Variants in ARMC9 observed in about 807,000 individuals in gnomAD.
ARMC9 encodes armadillo repeat containing 9, also known as lisH domain-containing protein ARMC9.
ARMC9 carries 94 observed loss-of-function variants against 107.0 expected under a neutral mutation model. That is an observed-to-expected ratio of 0.88 (90% CI 0.74 to 1.04). The LOEUF (loss-of-function observed/expected upper bound fraction) is 1.04, where lower values mean the gene tolerates loss of function less well. Ranked by LOEUF, ARMC9 falls within the 50% of genes least tolerant of loss-of-function variation. The pLI is 0.00. For synonymous variants in ARMC9, 380 were observed against 396.9 expected (o/e 0.96, Z 0.51); for missense variants, 942 against 1,030.1 (o/e 0.91, Z 1.17).
chr2:231,307,679 C>T (rs1426493203), intron 19 of ARMC9, among the ~76,000 whole-genome samples: 6 of 152,156 alleles, frequency 3.9e-5, no homozygotes, highest in African/African-American at 1.4e-4. Context: ...GGCCCCAAAC[C>T]CCCCTTCTTG....
At chr2:231,338,119 G>A (rs927485543) in intron 20 of ARMC9, among the ~76,000 whole-genome samples, 1 of 152,186 alleles carries the variant, frequency 6.6e-6, no homozygotes, top group African/African-American at 2.4e-5. Flanking sequence ...CAGCTTACAA[G>A]GGCTTGGGAG....
rs1179484335 is a variant in ARMC9, at chr2:231,372,771, G to A, written c.*1236G>A. On this transcript the variant is annotated 3_prime_UTR_variant, in exon 25 of 25. Coordinates refer to ENST00000611582, the MANE Select transcript of ARMC9 (RefSeq NM_001352754.2). ...GTGTGTGTGTATGAGTGTATGAAGG[G>A]AAATGGAAAGCAGAGAAAAGTCGCG... is the stretch of plus-strand genomic sequence containing the variant. 6.8e-6 allele frequency: 1 copy of A among 147,594 alleles called. No individual in the cohort carries two copies. The highest frequency in any genetic ancestry group is 1.5e-5 in the Non-Finnish European group (1 of 68,114). 9.1% of individuals were successfully genotyped at this position (147,594 alleles called of 1,614,324 possible). A position where few individuals can be genotyped will look rare whatever the true frequency, so the allele number is the denominator to read the frequency against.
intron 3 of ARMC9, among the ~76,000 whole-genome samples, chr2:231,211,421 A>G (rs1182415545): frequency 1.3e-5 from 2 of 151,766 alleles, no homozygotes; most frequent in Non-Finnish European, 2.9e-5. Context: ...AATCCCAGCT[A>G]CTTGGGAGGC....
intron 19 of ARMC9, among the ~76,000 whole-genome samples, chr2:231,311,104 G>C (rs1273111902): frequency 6.6e-6 from 1 of 152,154 alleles, no homozygotes; most frequent in Non-Finnish European, 1.5e-5. Context: ...CCCCAGCCTG[G>C]GTGACAGAGC....
At chr2:231,371,090 G>T in intron 24 of ARMC9, 2 of 465,832 alleles carry the variant, frequency 4.3e-6, no homozygotes, top group South Asian at 3.1e-5. Context: ...CAGGTCAGGC[G>T]CAGAGGAGGT....
chr2:231,212,699 T>C (rs1454562081), intron 3 of ARMC9, among the ~76,000 whole-genome samples: 1 of 152,206 alleles, frequency 6.6e-6, no homozygotes, highest in East Asian at 1.9e-4. Flanking sequence ...TGGCAGTCAT[T>C]AACAAGCATG....
chr2:231,336,366 C>T (rs1006237263), intron 20 of ARMC9, among the ~76,000 whole-genome samples: 3 of 152,108 alleles, frequency 2.0e-5, no homozygotes, highest in African/African-American at 7.2e-5. Flanking sequence ...GCATCTTCCA[C>T]TAGTATCTGC....
chr2:231,210,303 C>A (rs894570735), intron 3 of ARMC9, among the ~76,000 whole-genome samples: 2 of 152,152 alleles, frequency 1.3e-5, no homozygotes, highest in African/African-American at 4.8e-5. Context: ...TCCCTGGCAC[C>A]CCCCACACCT....
chr2:231,307,558 AT>A (rs2042102948), intron 19 of ARMC9, among the ~76,000 whole-genome samples: 1 of 152,210 alleles, frequency 6.6e-6, no homozygotes, highest in Non-Finnish European at 1.5e-5. Context: ...AATGGAAGAC[AT>A]GGCTAAAACA....
chr2:231,215,466 G>A (rs1301466301), intron 4 of ARMC9, among the ~76,000 whole-genome samples: 1 of 152,196 alleles, frequency 6.6e-6, no homozygotes, highest in African/African-American at 2.4e-5. Flanking sequence ...GGGATTACAG[G>A]CGTGAGCCAC....
At chr2:231,256,457 A>G in intron 9 of ARMC9, 129 bp from the exon 10 acceptor site, 1 of 1,232,276 alleles carries the variant, frequency 8.1e-7, no homozygotes, top group East Asian at 2.5e-5. Context: ...AAAAAAAAAA[A>G]CCAAAAAAAA....
At chr2:231,356,034 G>A (rs1026762104) in intron 22 of ARMC9, 100 bp downstream of exon 22, 10 of 1,415,586 alleles carry the variant, frequency 7.1e-6, no homozygotes, top group Non-Finnish European at 9.4e-6. Context: ...CTGCTCCTGG[G>A]AAGCCCTCTG....
intron 3 of ARMC9, among the ~76,000 whole-genome samples, chr2:231,209,305 T>C (rs1337100074): frequency 6.6e-6 from 1 of 152,120 alleles, no homozygotes; most frequent in Non-Finnish European, 1.5e-5. Context: ...CACTTGAGCC[T>C]GGGAAATCAA....
At chr2:231,340,732 C>G (rs1010603704) in intron 20 of ARMC9, among the ~76,000 whole-genome samples, 1 of 151,914 alleles carries the variant, frequency 6.6e-6, no homozygotes. Context: ...ACTAAAAACA[C>G]AAAAAATTAG....
At chr2:231,296,954 C>G (rs2125484875) in intron 19 of ARMC9, among the ~76,000 whole-genome samples, 1 of 152,326 alleles carries the variant, frequency 6.6e-6, no homozygotes, top group Non-Finnish European at 1.5e-5. Context: ...GCAGTTACTC[C>G]TGCAGTGAAT....
In ARMC9 at chr2:231,328,814, C is replaced by CTTTTTTTTTTTTTTTTTTT. The variant is rs1341987081; in HGVS notation, c.1774-2975_1774-2974insTTTTTTTTTTTTTTTTTTT. ...AGCGTGTTCAATTTTCTTTTCTTTT[C>CTTTTTTTTTTTTTTTTTTT]TTTTCTTTTTTTTTTTTTGAGTCGG... On this transcript the variant is annotated intron_variant, in intron 19 of 24. Coordinates refer to ENST00000611582, the MANE Select transcript of ARMC9 (RefSeq NM_001352754.2). Among the ~76,000 whole-genome samples, 433 of 127,162 alleles carry CTTTTTTTTTTTTTTTTTTT rather than the reference C, an allele frequency of 3.4e-3. 33 individuals carry two copies. The highest frequency in any genetic ancestry group is 4.2e-3 in the African/African-American group (145 of 34,762). The allele number at this position is 127,162 out of a possible 152,430, so 83.4% of individuals were successfully genotyped here. A position where few individuals can be genotyped will look rare whatever the true frequency, so the allele number is the denominator to read the frequency against.
At chr2:231,311,209 A>G (rs957693027) in intron 19 of ARMC9, among the ~76,000 whole-genome samples, 2 of 152,122 alleles carry the variant, frequency 1.3e-5, no homozygotes, top group Non-Finnish European at 2.9e-5. Context: ...ACTGCAGAGA[A>G]TTTGCTATGC....
intron 9 of ARMC9, among the ~76,000 whole-genome samples, chr2:231,248,439 A>G (rs77750693): frequency 9.3e-4 from 142 of 152,192 alleles, no homozygotes; most frequent in African/African-American, 3.3e-3. Context: ...TCATATTACT[A>G]TCTTGCTCAA....
intron 24 of ARMC9, chr2:231,370,970 A>C: frequency 2.2e-6 from 1 of 447,652 alleles, no homozygotes; most frequent in Non-Finnish European, 4.5e-6. Context: ...AGCTGGGGAC[A>C]CGCTGGGTTG....
Sources: gnomAD v4.1 joint callset for allele counts (sites outside exome capture counted in the v4.1 genomes callset) on GRCh38, gnomAD v4.1.1 for gene constraint, MANE v1.5 for transcripts, NCBI Gene and HGNC (gene_info 2026-07-23, HGNC 2026-07-21) for gene names.